PROB1: variants seen among roughly 807,000 people sequenced by gnomAD.
PROB1 encodes proline-rich basic protein 1.
For missense variants in PROB1, 1,453 were observed against 1,485.7 expected (o/e 0.98, Z 0.36); for synonymous variants, 660 against 699.3 (o/e 0.94, Z 0.89).
In PROB1 at chr5:139,392,014, A is replaced by G. The variant is rs1012787630; in HGVS notation, c.*20T>C. The G allele has an allele frequency of 3.7e-6, 5 of 1,366,324 alleles. No homozygotes were observed. The African/African-American group carries it at 7.6e-5, about 21-fold the overall frequency. 84.6% of individuals were successfully genotyped at this position (1,366,324 alleles called of 1,614,324 possible). On this transcript the variant is annotated 3_prime_UTR_variant, in exon 1 of 1. Transcript: ENST00000434752. This position sits in a 1 kb window ranked among gnomAD's most constrained non-coding sequence, Gnocchi z 5.8. ...CCAGGCATCCAAGGGCTCCAACTCC[A>G]TGGGGATCGGCCCGGGGCCTCACAG...
chr5:139,393,178 T>A lies in PROB1; in HGVS notation c.1904A>T (p.Tyr635Phe). Reference sequence around the variant, plus strand: ...TGCTCCTGCCGGGAAGCCTGGCGCGTACGTGGTCTTCACCAACTTGCGCAC... The same window carrying A: ...TGCTCCTGCCGGGAAGCCTGGCGCGAACGTGGTCTTCACCAACTTGCGCAC... ...RDVRKLVKTT[Y>F]APGFPAGAQG... The change falls in exon 1 of 1, where the codon TAC becomes TTC. Residue 635 changes from tyrosine (Y) to phenylalanine (F), a missense_variant. By Grantham distance (22) the Tyr-to-Phe change is conservative (BLOSUM62 3). Transcript: ENST00000434752. 1 of 1,549,442 alleles carries A rather than the reference T, an allele frequency of 6.5e-7. No homozygotes were observed. The highest frequency in any genetic ancestry group is 2.4e-5 in the East Asian group (1 of 40,882).
At position 139,392,307 on chromosome 5, in the gene PROB1, C is replaced by T; in HGVS notation, c.2775G>A (p.Pro925=). Residue 925 remains proline, a synonymous_variant, in exon 1 of 1, where the codon CCG becomes CCA. Transcript: ENST00000434752. This position sits in a 1 kb window ranked among gnomAD's most constrained non-coding sequence, Gnocchi z 5.8. The part of the protein sequence containing the change: ...EVLLPPSSPG[P]PHRVYTPLAL... Reference sequence around the variant, plus strand: ...CCAGAGGGGTGTAGACGCGGTGGGGCGGCCCGGGAGACGAGGGCGGCAGCA... The same window carrying T: ...CCAGAGGGGTGTAGACGCGGTGGGGTGGCCCGGGAGACGAGGGCGGCAGCA... 6.5e-7 allele frequency: 1 copy of T among 1,530,470 alleles called. No homozygotes were observed. Among genetic ancestry groups the T allele is most frequent in the Non-Finnish European group, 8.8e-7 (1 of 1,137,812 alleles). 94.8% of individuals were successfully genotyped at this position (1,530,470 alleles called of 1,614,324 possible).
Position 139,394,271 on chromosome 5 carries a change from AG to A in PROB1, c.810del (p.Phe271SerfsTer118). 6.5e-7 allele frequency: 1 copy of A among 1,542,530 alleles called. No individual in the cohort carries two copies. Among genetic ancestry groups the A allele is most frequent in the Non-Finnish European group, 8.8e-7 (1 of 1,142,680 alleles). On this transcript the variant is annotated frameshift_variant, in exon 1 of 1. Coordinates refer to ENST00000434752, the MANE Select transcript of PROB1 (RefSeq NM_001161546.2). LOFTEE classifies it low-confidence loss of function (END_TRUNC). The stretch of plus-strand genomic sequence containing the variant: ...GGTTCCGACCGCCCCGTGGACCCGA[AG>A]GTGGCGCTGCTCGGGGCCGGGGCCT... ...SPEAPAPSSATFGSTGRSEPE... is the reference protein window; with the variant it reads ...SPEAPAPSSAXFGSTGRSEPE...
At position 139,392,133 on chromosome 5, in the gene PROB1, C is replaced by T. The variant is rs980292410; in HGVS notation, c.2949G>A (p.Val983=). 7.1e-6 allele frequency: 10 copies of T among 1,408,346 alleles called. No individual in the cohort carries two copies. The highest frequency in any genetic ancestry group is 9.3e-6 in the Non-Finnish European group (10 of 1,076,536). The allele number at this position is 1,408,346 out of a possible 1,614,324, so 87.2% of individuals were successfully genotyped here. A position where few individuals can be genotyped will look rare whatever the true frequency, so the allele number is the denominator to read the frequency against. ...GAGGTGCGGGGTTGGGGGTCCCGCT[C>T]ACCGGCAGGTAGTAGGTCCCGTCCA... The part of the protein sequence containing the change: ...GPLDGTYYLP[V]SGTPNPAPPL... Residue 983 remains valine (V), a synonymous_variant, in exon 1 of 1, where the codon GTG becomes GTA. Coordinates refer to ENST00000434752, the MANE Select transcript of PROB1 (RefSeq NM_001161546.2). This position sits in a 1 kb window ranked among gnomAD's most constrained non-coding sequence, Gnocchi z 5.8.
rs765028808 is a variant in PROB1 at position 139,393,889 on chromosome 5, T to C, written c.1193A>G (p.Gln398Arg). The change falls in exon 1 of 1, where the codon CAG becomes CGG. Residue 398 changes from glutamine to arginine, a missense_variant. Transcript: ENST00000434752. ...VRPRSPSPPRQTPNGAVRGPR... is the reference protein window; with the variant it reads ...VRPRSPSPPRRTPNGAVRGPR... ...ACCCCGTACAGCCCCATTTGGAGTC[T>C]GCCGTGGCGGGGACGGGCTCCTTGG... 7.8e-5 allele frequency: 121 copies of C among 1,548,270 alleles called. No homozygotes were observed. The highest frequency in any genetic ancestry group is 9.9e-5 in the Non-Finnish European group (114 of 1,145,996).
rs1758630422 is a variant in PROB1, at chr5:139,393,218, G to C, written c.1864C>G (p.Pro622Ala). 6.5e-7 allele frequency: 1 copy of C among 1,549,202 alleles called. No homozygotes were observed. Among genetic ancestry groups the C allele is most frequent in the African/African-American group, 1.4e-5 (1 of 73,050 alleles). ...AASGRPRMAIPRPRDVRKLVK... is the reference protein window; with the variant it reads ...AASGRPRMAIARPRDVRKLVK... ...AACTTGCGCACGTCTCGAGGCCGCG[G>C]AATGGCCATGCGCGGGCGTCCCGAG... Residue 622 changes from proline to alanine, a missense_variant, in exon 1 of 1, where the codon CCG becomes GCG. Physicochemically the swap from Pro to Ala is conservative, Grantham distance 27 (BLOSUM62 -1). Coordinates refer to ENST00000434752, the MANE Select transcript of PROB1 (RefSeq NM_001161546.2).
At position 139,394,309 on chromosome 5, in the gene PROB1, T is replaced by C. The variant is rs887438950; in HGVS notation, c.773A>G (p.Lys258Arg). The stretch of plus-strand genomic sequence containing the variant: ...CGGGGCCGGGGCCTCGGGGCTCAGT[T>C]TTCTGGCCAACGCCGTCTGCACGAA... ...AGFVQTALAR[K>R]LSPEAPAPSS... is the part of the protein sequence containing the mutation. The change falls in exon 1 of 1, where the codon AAA becomes AGA. Residue 258 changes from lysine to arginine, a missense_variant. Coordinates refer to ENST00000434752, the MANE Select transcript of PROB1 (RefSeq NM_001161546.2). 2 of 1,502,774 alleles carry C rather than the reference T, an allele frequency of 1.3e-6. No homozygotes were observed. Among genetic ancestry groups the C allele is most frequent in the African/African-American group, 2.8e-5 (2 of 71,182 alleles). 93.1% of individuals were successfully genotyped at this position (1,502,774 alleles called of 1,614,324 possible).
Position 139,393,042 on chromosome 5 carries a change from A to G in PROB1, c.2040T>C (p.Thr680=). ...ALGPPAPAHY[T]SVFIKDFLPV... is the part of the protein sequence containing the mutation. ...GTAGAAAATCCTTGATGAAAACGGA[A>G]GTGTAGTGAGCCGGGGCGGGGGGCC... Residue 680 remains threonine, a synonymous_variant, in exon 1 of 1, where the codon ACT becomes ACC. Coordinates refer to ENST00000434752, the MANE Select transcript of PROB1 (RefSeq NM_001161546.2). 2 of 1,526,806 alleles carry G rather than the reference A, an allele frequency of 1.3e-6. No homozygotes were observed. The highest frequency in any genetic ancestry group is 1.8e-6 in the Non-Finnish European group (2 of 1,136,054). The allele number at this position is 1,526,806 out of a possible 1,614,324, so 94.6% of individuals were successfully genotyped here.
At position 139,392,259 on chromosome 5, in the gene PROB1, C is replaced by A. The variant is rs1240460065; in HGVS notation, c.2823G>T (p.Pro941=). The A allele has an allele frequency of 6.7e-7, 1 of 1,483,970 alleles. No homozygotes were observed. The highest frequency in any genetic ancestry group is 9.0e-7 in the Non-Finnish European group (1 of 1,113,986). 91.9% of individuals were successfully genotyped at this position (1,483,970 alleles called of 1,614,324 possible). A position where few individuals can be genotyped will look rare whatever the true frequency, so the allele number is the denominator to read the frequency against. Reference sequence around the variant, plus strand: ...GGCTGGGTATAGGCCCATAGGCGGGCGGGTAGAGGCCGAGCCCCAGGGCCA... The same window carrying A: ...GGCTGGGTATAGGCCCATAGGCGGGAGGGTAGAGGCCGAGCCCCAGGGCCA... The part of the protein sequence containing the change: ...TPLALGLGLY[P]PAYGPIPSLS... Residue 941 remains proline (P), a synonymous_variant, in exon 1 of 1, where the codon CCG becomes CCT. Transcript: ENST00000434752. This position sits in a 1 kb window ranked among gnomAD's most constrained non-coding sequence, Gnocchi z 5.8.
In PROB1 at chr5:139,392,501, G is replaced by T. The variant is rs540903006; in HGVS notation, c.2581C>A (p.Arg861=). Residue 861 remains arginine (R), a synonymous_variant, in exon 1 of 1, where the codon CGG becomes AGG. Coordinates refer to ENST00000434752, the MANE Select transcript of PROB1 (RefSeq NM_001161546.2). The surrounding 1 kb of genome is among the most constrained non-coding windows in gnomAD (Gnocchi z 5.8). The part of the protein sequence containing the change: ...PRAASAPPTD[R]SPQSPSQGAR... ...CCCTGGGAGGGGCTTTGCGGGGACC[G>T]GTCCGTGGGAGGCGCCGAGGCAGCG... 2 of 1,350,088 alleles carry T rather than the reference G, an allele frequency of 1.5e-6. No individual in the cohort carries two copies. The highest frequency in any genetic ancestry group is 3.1e-5 in the East Asian group (1 of 32,334). 83.6% of individuals were successfully genotyped at this position (1,350,088 alleles called of 1,614,324 possible).
In PROB1 at chr5:139,394,669, G is replaced by A. The variant is rs1290443693; in HGVS notation, c.413C>T (p.Pro138Leu). The stretch of plus-strand genomic sequence containing the variant: ...CGGCGGCAAGGGGCTGATGAAGGCC[G>A]GCTCCGTGAACTGTTGTTGCGCCTC... ...DREAQQQFTE[P>L]AFISPLPPGP... The change falls in exon 1 of 1, where the codon CCG becomes CTG. Residue 138 changes from proline to leucine, a missense_variant. Pro to Leu is a moderately conservative substitution (Grantham distance 98, BLOSUM62 -3). Transcript: ENST00000434752. 1 of 1,534,858 alleles carries A rather than the reference G, an allele frequency of 6.5e-7. No individual in the cohort carries two copies.
Position 139,394,306 on chromosome 5 carries a change from A to G in PROB1, c.776T>C (p.Leu259Pro). ...GCTCGGGGCCGGGGCCTCGGGGCTC[A>G]GTTTTCTGGCCAACGCCGTCTGCAC... Reference protein sequence around the residue: ...GFVQTALARKLSPEAPAPSSA... With the variant: ...GFVQTALARKPSPEAPAPSSA... The change falls in exon 1 of 1, where the codon CTG (leucine) becomes CCG (proline). Residue 259 changes from leucine (L) to proline (P), a missense_variant. By Grantham distance (98) the Leu-to-Pro change is moderately conservative. Coordinates refer to ENST00000434752, the MANE Select transcript of PROB1 (RefSeq NM_001161546.2). 6.6e-7 allele frequency: 1 copy of G among 1,507,084 alleles called. No homozygotes were observed. Among genetic ancestry groups the G allele is most frequent in the Non-Finnish European group, 8.9e-7 (1 of 1,128,426 alleles). 93.4% of individuals were successfully genotyped at this position (1,507,084 alleles called of 1,614,324 possible).
At position 139,392,356 on chromosome 5, in the gene PROB1, T is replaced by C. The variant is rs1486534891; in HGVS notation, c.2726A>G (p.Glu909Gly). 8 of 1,529,610 alleles carry C rather than the reference T, an allele frequency of 5.2e-6. No homozygotes were observed. Among genetic ancestry groups the C allele is most frequent in the Non-Finnish European group, 4.4e-6 (5 of 1,139,300 alleles). The allele number at this position is 1,529,610 out of a possible 1,614,324, so 94.8% of individuals were successfully genotyped here. The change falls in exon 1 of 1, where the codon GAG becomes GGG. Residue 909 changes from glutamate (E) to glycine (G), a missense_variant. Coordinates refer to ENST00000434752, the MANE Select transcript of PROB1 (RefSeq NM_001161546.2). The surrounding 1 kb of genome is among the most constrained non-coding windows in gnomAD (Gnocchi z 5.8). Reference protein sequence around the residue: ...QPRLRVLFDPESGQYVEVLLP... With the variant: ...QPRLRVLFDPGSGQYVEVLLP... ...CAACACCTCCACGTACTGCCCACTC[T>C]CAGGGTCGAAGAGCACCCGCAGCCG...
chr5:139,394,824 C>T lies in PROB1; in HGVS notation c.258G>A (p.Ser86=). Residue 86 remains serine (S), a synonymous_variant, in exon 1 of 1, where the codon TCG becomes TCA. Transcript: ENST00000434752. The stretch of plus-strand genomic sequence containing the variant: ...CGGAACCTGGGCCTCGCGGGAAACC[C>T]GAGCCGGGCCCGTGCCGCTGGCGGC... The part of the protein sequence containing the change: ...QNSRQRHGPG[S]GFPRGPGSGP... 1 of 1,529,966 alleles carries T rather than the reference C, an allele frequency of 6.5e-7. No homozygotes were observed. The allele number at this position is 1,529,966 out of a possible 1,614,324, so 94.8% of individuals were successfully genotyped here.
At position 139,394,404 on chromosome 5, in the gene PROB1, C is replaced by T. The variant is rs7447765; in HGVS notation, c.678G>A (p.Pro226=). ...PQSPPRAAGA[P]RPRLLLRTGS... ...CGGTGCGCAGGAGCAGCCGGGGGCG[C>T]GGCGCGCCGGCCGCCCTTGGGGGAC... The change falls in exon 1 of 1, where the codon CCG becomes CCA. Residue 226 remains proline, a synonymous_variant. Transcript: ENST00000434752. 1.4e-6 allele frequency: 2 copies of T among 1,388,966 alleles called. No homozygotes were observed. Among genetic ancestry groups the T allele is most frequent in the Non-Finnish European group, 9.3e-7 (1 of 1,079,712 alleles). 86.0% of individuals were successfully genotyped at this position (1,388,966 alleles called of 1,614,324 possible).
Position 139,394,932 on chromosome 5 carries a change from C to A in PROB1, c.150G>T (p.Ala50=). 6.6e-7 allele frequency: 1 copy of A among 1,519,930 alleles called. No individual in the cohort carries two copies. Among genetic ancestry groups the A allele is most frequent in the Non-Finnish European group, 8.8e-7 (1 of 1,135,188 alleles). 94.2% of individuals were successfully genotyped at this position (1,519,930 alleles called of 1,614,324 possible). ...CCCAGGGCCAATTCGCTGGGCCTTTCGCGTCCGGCCCAACGTCCGGGGGCT... is the reference window on the plus strand; with the variant it reads ...CCCAGGGCCAATTCGCTGGGCCTTTAGCGTCCGGCCCAACGTCCGGGGGCT... The part of the protein sequence containing the change: ...SPEPPDVGPD[A]KGPANWPWVA... Residue 50 remains alanine, a synonymous_variant, in exon 1 of 1, where the codon GCG becomes GCT. Transcript: ENST00000434752.
In PROB1 at chr5:139,394,320, C is replaced by T. The variant is rs1001898730; in HGVS notation, c.762G>A (p.Ala254=). The change falls in exon 1 of 1, where the codon GCG becomes GCA. Residue 254 remains alanine (A), a synonymous_variant. Transcript: ENST00000434752. ...LQAAAGFVQT[A]LARKLSPEAP... The stretch of plus-strand genomic sequence containing the variant: ...CCTCGGGGCTCAGTTTTCTGGCCAA[C>T]GCCGTCTGCACGAAGCCCGCGGCGG... 1.3e-6 allele frequency: 2 copies of T among 1,483,138 alleles called. No individual in the cohort carries two copies. Among genetic ancestry groups the T allele is most frequent in the Non-Finnish European group, 1.8e-6 (2 of 1,117,746 alleles). The allele number at this position is 1,483,138 out of a possible 1,614,324, so 91.9% of individuals were successfully genotyped here.
Position 139,392,154 on chromosome 5 carries a change from G to A in PROB1, c.2928C>T (p.Asp976=), listed in dbSNP as rs1758608672. Reference sequence around the variant, plus strand: ...CGCTCACCGGCAGGTAGTAGGTCCCGTCCAGGGGCCCTGCCTCAGAGACCC... The same window carrying A: ...CGCTCACCGGCAGGTAGTAGGTCCCATCCAGGGGCCCTGCCTCAGAGACCC... The part of the protein sequence containing the change: ...LPWVSEAGPL[D]GTYYLPVSGT... Residue 976 remains aspartate (D), a synonymous_variant, in exon 1 of 1, where the codon GAC becomes GAT. Coordinates refer to ENST00000434752, the MANE Select transcript of PROB1 (RefSeq NM_001161546.2). This position sits in a 1 kb window ranked among gnomAD's most constrained non-coding sequence, Gnocchi z 5.8. 6 of 1,414,292 alleles carry A rather than the reference G, an allele frequency of 4.2e-6. No individual in the cohort carries two copies. The highest frequency in any genetic ancestry group is 5.6e-6 in the Non-Finnish European group (6 of 1,080,260). The allele number at this position is 1,414,292 out of a possible 1,614,324, so 87.6% of individuals were successfully genotyped here.
chr5:139,393,056 G>C lies in PROB1; in HGVS notation c.2026C>G (p.Pro676Ala), dbSNP rs920986782. Residue 676 changes from proline (P) to alanine (A), a missense_variant, in exon 1 of 1, where the codon CCG becomes GCG. Coordinates refer to ENST00000434752, the MANE Select transcript of PROB1 (RefSeq NM_001161546.2). Reference protein sequence around the residue: ...QEPPALGPPAPAHYTSVFIKD... With the variant: ...QEPPALGPPAAAHYTSVFIKD... ...ATGAAAACGGAAGTGTAGTGAGCCG[G>C]GGCGGGGGGCCCCAGTGCTGGCGGC... is the stretch of plus-strand genomic sequence containing the variant. 4 of 1,532,036 alleles carry C rather than the reference G, an allele frequency of 2.6e-6. No individual in the cohort carries two copies. Among genetic ancestry groups the C allele is most frequent in the Non-Finnish European group, 1.8e-6 (2 of 1,138,272 alleles). 94.9% of individuals were successfully genotyped at this position (1,532,036 alleles called of 1,614,324 possible). A position where few individuals can be genotyped will look rare whatever the true frequency, so the allele number is the denominator to read the frequency against.
Sources: gnomAD v4.1 joint callset for allele counts on GRCh38, gnomAD v4.1.1 for gene constraint, Gnocchi (gnomAD v3.1) non-coding constraint, MANE v1.5 for transcripts, NCBI Gene and HGNC (gene_info 2026-07-23, HGNC 2026-07-21) for gene names.